ANO5: variants seen among roughly 807,000 people sequenced by gnomAD.
ANO5 encodes anoctamin-5.
A neutral mutation model predicts 121.0 loss-of-function variants in ANO5; 109 were observed. The ratio of observed to expected loss-of-function variants is 0.90; its 90% CI spans 0.77 to 1.06. The LOEUF is 1.06. ANO5 is among the 50% of genes least tolerant of loss of function. The probability of loss-of-function intolerance (pLI) is 0.00; values close to 1 mark genes in which losing one functional copy is unlikely to be tolerated. For synonymous variants in ANO5, 406 were observed against 359.9 expected, an observed-to-expected ratio of 1.13 and a Z score of -1.45; for missense variants, 1,064 against 1,078.5, an observed-to-expected ratio of 0.99 and a Z score of 0.19.
At chr11:22,211,648 G>A (rs1590224519) in intron 3 of ANO5, among the ~76,000 whole-genome samples, 1 of 151,796 alleles carries the variant, frequency 6.6e-6, no homozygotes. Flanking sequence ...AAGTTTCTGA[G>A]GCTTACTTAG....
At chr11:22,263,081 AAC>A in intron 17 of ANO5, 38 bp downstream of exon 17, 1 of 1,507,464 alleles carries the variant, frequency 6.6e-7, no homozygotes, top group African/African-American at 1.4e-5. Flanking sequence ...TGATTTAAGT[AAC>A]CATGAGATAT....
In ANO5 at chr11:22,263,682, C is replaced by CG. The variant is rs1831606977; in HGVS notation, c.1898+640dup. The stretch of plus-strand genomic sequence containing the variant: ...AAAGAATTATAAAATCGTAAGTCTA[C>CG]GATCCTTCAGGGCTCCTAGTTAGGA... On this transcript the variant is annotated intron_variant, in intron 17 of 21. Coordinates refer to ENST00000324559, the MANE Select transcript of ANO5 (RefSeq NM_213599.3). Among the ~76,000 whole-genome samples, 9 of 152,288 alleles carry CG rather than the reference C, an allele frequency of 5.9e-5. No homozygotes were observed. In the South Asian group the frequency reaches 1.5e-3, roughly 25 times the overall value.
At position 22,262,193 on chromosome 11, in the gene ANO5, T is replaced by C. The variant is rs142009189; in HGVS notation, c.1695T>C (p.Phe565=). The C allele has an allele frequency of 1.9e-6, 3 of 1,613,900 alleles. No individual in the cohort carries two copies. The highest frequency in any genetic ancestry group is 2.7e-5 in the African/African-American group (2 of 74,936). Residue 565 remains phenylalanine, a synonymous_variant, in exon 16 of 22, where the codon TTT becomes TTC. Transcript: ENST00000324559. ...SLTLKMFLFQ[F]VNFYSSCFYV... ...CCTTGAAAATGTTCCTGTTTCAGTT[T>C]GTAAATTTTTACTCATCCTGCTTCT... is the stretch of plus-strand genomic sequence containing the variant.
intron 1 of ANO5, among the ~76,000 whole-genome samples, chr11:22,203,496 C>G (rs190825101): frequency 1.3e-5 from 2 of 152,138 alleles, no homozygotes; most frequent in Non-Finnish European, 1.5e-5. Flanking sequence ...GTATTTAACT[C>G]TCAGTGGTTT....
chr11:22,275,128 T>A (rs1208049144), intron 20 of ANO5, among the ~76,000 whole-genome samples: 1 of 151,990 alleles, frequency 6.6e-6, no homozygotes, highest in Non-Finnish European at 1.5e-5. Flanking sequence ...TTAACTTACT[T>A]GAATTTATCT....
chr11:22,253,021 T>C (rs1422408508), intron 12 of ANO5, among the ~76,000 whole-genome samples: 1 of 152,132 alleles, frequency 6.6e-6, no homozygotes, highest in Non-Finnish European at 1.5e-5. Context: ...ATGGCTTTCA[T>C]CTCCATAGTT....
intron 9 of ANO5, among the ~76,000 whole-genome samples, chr11:22,246,112 C>T (rs528073337): frequency 6.6e-6 from 1 of 152,250 alleles, no homozygotes; most frequent in African/African-American, 2.4e-5. Flanking sequence ...TTTACTGACA[C>T]TCCTCCAAAG....
intron 12 of ANO5, among the ~76,000 whole-genome samples, chr11:22,252,204 A>G (rs551854849): frequency 1.3e-5 from 2 of 152,276 alleles, no homozygotes; most frequent in South Asian, 2.1e-4. Context: ...AGAATAAAGA[A>G]TCTAGAAATC....
At chr11:22,249,220 G>T (rs531599849) in intron 9 of ANO5, among the ~76,000 whole-genome samples, 3 of 152,024 alleles carry the variant, frequency 2.0e-5, no homozygotes, top group South Asian at 2.1e-4. Context: ...TGAAGAATGG[G>T]ATGTTCAATA....
intron 7 of ANO5, among the ~76,000 whole-genome samples, chr11:22,234,725 T>C (rs7937551): frequency 0.15 from 22,843 of 152,086 alleles, 5,007 homozygotes; most frequent in African/African-American, 0.48. Context: ...ATCCTTACCC[T>C]TGCAGTTTCT....
At chr11:22,257,808 C>T in intron 14 of ANO5, 54 bp downstream of exon 14, 2 of 1,432,534 alleles carry the variant, frequency 1.4e-6, no homozygotes, top group East Asian at 2.3e-5. Context: ...ATTAAATGAG[C>T]TATCTCAACA....
chr11:22,194,168 T>G (rs1013037742), intron 1 of ANO5, among the ~76,000 whole-genome samples: 1 of 152,196 alleles, frequency 6.6e-6, no homozygotes, highest in Non-Finnish European at 1.5e-5. Flanking sequence ...TGAGAAATAT[T>G]TATCCATTGT....
At chr11:22,249,646 T>C (rs975615107) in intron 9 of ANO5, among the ~76,000 whole-genome samples, 3 of 152,170 alleles carry the variant, frequency 2.0e-5, no homozygotes, top group African/African-American at 7.2e-5. Flanking sequence ...AACCAAGAGC[T>C]AGGCTGCATA....
intron 17 of ANO5, among the ~76,000 whole-genome samples, chr11:22,263,751 A>T (rs570643413): frequency 6.6e-6 from 1 of 152,234 alleles, no homozygotes; most frequent in East Asian, 1.9e-4. Context: ...AGTGGAGTAA[A>T]AGTGCTCCAC....
In ANO5 at chr11:22,210,936, C is replaced by T. The variant is rs2133550173; in HGVS notation, c.88-328C>T. Reference sequence around the variant, plus strand: ...GTTATTTCTCAGTAATGTAGTAGTTCTTAACCACTTCTTGTATCTGATTTC... The same window carrying T: ...GTTATTTCTCAGTAATGTAGTAGTTTTTAACCACTTCTTGTATCTGATTTC... On this transcript the variant is annotated intron_variant, in intron 2 of 21. Coordinates refer to ENST00000324559, the MANE Select transcript of ANO5 (RefSeq NM_213599.3). Among the ~76,000 whole-genome samples the T allele has an allele frequency of 1.3e-5, 2 of 151,924 alleles. 1 individual carries two copies. Among genetic ancestry groups the T allele is most frequent in the Middle Eastern group, 6.8e-3 (2 of 294 alleles).
chr11:22,221,904 A>G (rs1204135580), intron 5 of ANO5, among the ~76,000 whole-genome samples: 3 of 152,028 alleles, frequency 2.0e-5, no homozygotes, highest in Non-Finnish European at 2.9e-5. Context: ...AAATGAAGAT[A>G]TTATTCCCAC....
chr11:22,226,488 A>G (rs1486867419), intron 6 of ANO5, among the ~76,000 whole-genome samples: 1 of 152,056 alleles, frequency 6.6e-6, no homozygotes, highest in East Asian at 1.9e-4. Context: ...TTCCTTCAAA[A>G]TTGTTTTTAA....
intron 1 of ANO5, among the ~76,000 whole-genome samples, chr11:22,199,269 C>T (rs1851894925): frequency 3.3e-5 from 5 of 152,118 alleles, no homozygotes. Context: ...ATAACACCTG[C>T]TTACCTCCTA....
intron 7 of ANO5, among the ~76,000 whole-genome samples, chr11:22,228,138 C>A (rs931331208): frequency 6.6e-5 from 10 of 151,950 alleles, no homozygotes; most frequent in African/African-American, 2.4e-4. Flanking sequence ...CAGAAAGAAT[C>A]ATGGTTTTGT....
Sources: allele counts gnomAD v4.1 joint callset (sites outside exome capture counted in the v4.1 genomes callset), GRCh38; gene constraint gnomAD v4.1.1; transcripts MANE v1.5; gene names NCBI Gene and HGNC (gene_info 2026-07-23, HGNC 2026-07-21).